SLC1A5: variants seen among roughly 807,000 people sequenced by gnomAD.
SLC1A5 encodes solute carrier family 1 member 5.
A neutral mutation model predicts 34.9 loss-of-function variants in SLC1A5; 25 were observed. That is an observed-to-expected ratio of 0.72 (90% CI 0.52 to 1.00). SLC1A5 has a LOEUF of 1.00. Ranked by LOEUF, SLC1A5 falls within the 50% of genes least tolerant of loss-of-function variation. The pLI is 0.00. For missense variants in SLC1A5, 637 were observed against 740.0 expected (o/e 0.86, Z 1.61); for synonymous variants, 351 against 341.2 (o/e 1.03, Z -0.32).
At chr19:46,783,398 G>A (rs570338881) in intron 3 of SLC1A5, among the ~76,000 whole-genome samples, 18 of 151,558 alleles carry the variant, frequency 1.2e-4, no homozygotes, top group African/African-American at 3.4e-4. Flanking sequence ...CCCGGGAGGC[G>A]GAGGTTGCAG....
At position 46,778,865 on chromosome 19, in the gene SLC1A5, C is replaced by T. The variant is rs1159357430; in HGVS notation, c.868G>A (p.Val290Met). ...AGTAAACCCACATCCTCCATCTCCA[C>T]GATCTTGCCAGCCACCAGGAACATG... ...GIMFLVAGKI[V>M]EMEDVGLLFA... The change falls in exon 5 of 8, where the codon GTG becomes ATG. Residue 290 changes from valine to methionine, a missense_variant. Coordinates refer to ENST00000542575, the MANE Select transcript of SLC1A5 (RefSeq NM_005628.3). 6 of 1,592,652 alleles carry T rather than the reference C, an allele frequency of 3.8e-6. No individual in the cohort carries two copies. Among genetic ancestry groups the T allele is most frequent in the East Asian group, 2.2e-5 (1 of 44,764 alleles).
At chr19:46,784,693 C>G in intron 1 of SLC1A5, 134 bp from the exon 2 acceptor site, 1 of 1,579,356 alleles carries the variant, frequency 6.3e-7, no homozygotes, top group Non-Finnish European at 8.6e-7. Context: ...ACAGCCCCTA[C>G]TCATGCCTCA....
chr19:46,782,346 A>ACCCCCCCCCCCCCCCGCCCCCCCCCC, intron 4 of SLC1A5, 37 bp downstream of exon 4: 1 of 567,986 alleles, frequency 1.8e-6, no homozygotes, highest in Admixed American at 2.7e-5. Context: ...CGACCCTCCA[A>ACCCCCCCCCCCCCCCGCCCCCCCCCC]CCCCACCCAC....
At chr19:46,782,018 C>T (rs754768669) in intron 4 of SLC1A5, among the ~76,000 whole-genome samples, 12 of 152,086 alleles carry the variant, frequency 7.9e-5, no homozygotes, top group African/African-American at 1.9e-4. Flanking sequence ...CTCAGGTTCC[C>T]GAGTAACTGG....
intron 3 of SLC1A5, among the ~76,000 whole-genome samples, chr19:46,783,247 T>G (rs1359845134): frequency 6.6e-6 from 1 of 151,936 alleles, no homozygotes; most frequent in Non-Finnish European, 1.5e-5. Context: ...GCAGATCACC[T>G]GAGGTGGGGA....
At chr19:46,785,432 G>A (rs995179460) in intron 1 of SLC1A5, among the ~76,000 whole-genome samples, 2 of 152,174 alleles carry the variant, frequency 1.3e-5, no homozygotes, top group Non-Finnish European at 2.9e-5. Context: ...TGGCAGGCAG[G>A]CATTTTGGCC....
intron 1 of SLC1A5, among the ~76,000 whole-genome samples, chr19:46,786,135 C>A (rs1407061664): frequency 6.6e-6 from 1 of 151,292 alleles, no homozygotes; most frequent in Non-Finnish European, 1.5e-5. Context: ...TGCTCTTGAG[C>A]CTGTGTTTAG....
chr19:46,777,891 C>A (rs937283872), intron 5 of SLC1A5, among the ~76,000 whole-genome samples: 1 of 151,614 alleles, frequency 6.6e-6, no homozygotes, highest in African/African-American at 2.4e-5. Context: ...GCAGGCAGCA[C>A]TAGGGAACTC....
At position 46,787,090 on chromosome 19, in the gene SLC1A5, C is replaced by T. The variant is rs1290441692; in HGVS notation, c.566+310G>A. ...GCAAAGATTCCCCCCGCAAAAGTTC[C>T]TCCTGGGGTCCCCTCCCCTCAGTGT... On this transcript the variant is annotated intron_variant, in intron 1 of 7. Transcript: ENST00000542575. The surrounding 1 kb of genome is among the most constrained non-coding windows in gnomAD (Gnocchi z 5.2). The T allele has an allele frequency of 2.0e-6, 1 of 511,852 alleles. No individual in the cohort carries two copies. The highest frequency in any genetic ancestry group is 2.9e-6 in the Non-Finnish European group (1 of 339,268). The allele number at this position is 511,852 out of a possible 1,614,324, so 31.7% of individuals were successfully genotyped here.
At position 46,782,545 on chromosome 19, in the gene SLC1A5, G is replaced by C. The variant is rs140908383; in HGVS notation, c.662C>G (p.Pro221Arg). Residue 221 changes from proline to arginine, a missense_variant, in exon 4 of 8, where the codon CCC becomes CGC. Pro to Arg is a moderately radical substitution (Grantham distance 103, BLOSUM62 -2). Transcript: ENST00000542575. ...RNITGTRVKV[P>R]VGQEVEGMNI... is the part of the protein sequence containing the mutation. ...CATCCCCTCCACCTCCTGCCCCACGGGCACCTGTGGGCAAGGAACAGATCG... is the reference window on the plus strand; with the variant it reads ...CATCCCCTCCACCTCCTGCCCCACGCGCACCTGTGGGCAAGGAACAGATCG... 4,241 of 1,613,944 alleles carry C rather than the reference G, an allele frequency of 2.6e-3. 13 individuals are homozygous for C. Among genetic ancestry groups the C allele is most frequent in the Non-Finnish European group, 3.1e-3 (3,708 of 1,180,000 alleles).
At chr19:46,782,730 T>G in intron 3 of SLC1A5, among the ~76,000 whole-genome samples, 181 bp from the exon 4 acceptor site, 1 of 150,150 alleles carries the variant, frequency 6.7e-6, no homozygotes, top group Non-Finnish European at 1.5e-5. Context: ...TGGCCCAGAG[T>G]AGGTGGGGCT....
intron 4 of SLC1A5, among the ~76,000 whole-genome samples, chr19:46,780,068 G>A (rs1200966531): frequency 6.6e-6 from 1 of 152,074 alleles, no homozygotes; most frequent in Non-Finnish European, 1.5e-5. Flanking sequence ...TAGCCAGGAT[G>A]GTCTCGATCT....
Position 46,775,658 on chromosome 19 carries a change from C to T in SLC1A5, c.1478G>A (p.Ser493Asn). The change falls in exon 8 of 8, where the codon AGC (serine) becomes AAC (asparagine). Residue 493 changes from serine (S) to asparagine (N), a missense_variant. By Grantham distance (46) the Ser-to-Asn change is conservative. Transcript: ENST00000542575. ...QNYVDRTESR[S>N]TEPELIQVKS... ...CACTTGTATCAACTCAGGCTCTGTG[C>T]TTCTCGACTCCGTACGGTCCACGTA... 1 of 1,614,140 alleles carries T rather than the reference C, an allele frequency of 6.2e-7. No homozygotes were observed. Among genetic ancestry groups the T allele is most frequent in the Non-Finnish European group, 8.5e-7 (1 of 1,180,036 alleles).
intron 1 of SLC1A5, among the ~76,000 whole-genome samples, chr19:46,786,538 C>A (rs569240059): frequency 1.5e-4 from 23 of 152,330 alleles, no homozygotes; most frequent in Admixed American, 3.9e-4. Context: ...TGCACTGACG[C>A]CCCAGAGGCT....
rs376590378 is a variant in SLC1A5, at chr19:46,775,710, C to T, written c.1426G>A (p.Ala476Thr). 4 of 1,613,960 alleles carry T rather than the reference C, an allele frequency of 2.5e-6. No homozygotes were observed. The highest frequency in any genetic ancestry group is 1.3e-5 in the African/African-American group (1 of 74,992). ...SCTVLNVEGD[A>T]LGAGLLQNYV... ...TTTTGGAGGAGTCCTGCCCCCAGAG[C>T]GTCACCTTCTACATTGAGGACGGTA... The change falls in exon 8 of 8, where the codon GCT becomes ACT. Residue 476 changes from alanine to threonine, a missense_variant. Physicochemically the swap from Ala to Thr is moderately conservative, Grantham distance 58. Transcript: ENST00000542575.
At chr19:46,783,184 C>G (rs767301498) in intron 3 of SLC1A5, among the ~76,000 whole-genome samples, 2 of 152,138 alleles carry the variant, frequency 1.3e-5, no homozygotes, top group Non-Finnish European at 2.9e-5. Flanking sequence ...GATCCTCGGG[C>G]GGAGCACGGT....
chr19:46,783,989 G>T, intron 3 of SLC1A5, 108 bp downstream of exon 3: 1 of 824,164 alleles, frequency 1.2e-6, no homozygotes. Flanking sequence ...GGGAAGGACT[G>T]CAGAGTGTCA....
chr19:46,784,476 C>G (rs1341312006), intron 2 of SLC1A5, 41 bp downstream of exon 2: 1 of 1,611,660 alleles, frequency 6.2e-7, no homozygotes, highest in Non-Finnish European at 8.5e-7. Context: ...GCATCCCTCC[C>G]TGTCCACCCC....
Position 46,788,097 on chromosome 19 carries a change from A to G in SLC1A5, c.-132T>C. 1.3e-6 allele frequency: 1 copy of G among 791,082 alleles called. No individual in the cohort carries two copies. Among genetic ancestry groups the G allele is most frequent in the Non-Finnish European group, 2.0e-6 (1 of 506,824 alleles). 49.0% of individuals were successfully genotyped at this position (791,082 alleles called of 1,614,324 possible). A position where few individuals can be genotyped will look rare whatever the true frequency, so the allele number is the denominator to read the frequency against. Reference sequence around the variant, plus strand: ...AGACTGGAACTTTGGAGGGCTCCTTAGAGTTGTGAGTTCACAGCACTGAAG... The same window carrying G: ...AGACTGGAACTTTGGAGGGCTCCTTGGAGTTGTGAGTTCACAGCACTGAAG... On this transcript the variant is annotated 5_prime_UTR_variant, in exon 1 of 8. Transcript: ENST00000542575.
Sources: gnomAD v4.1 joint callset for allele counts (sites outside exome capture counted in the v4.1 genomes callset) on GRCh38, gnomAD v4.1.1 for gene constraint, Gnocchi (gnomAD v3.1) non-coding constraint, MANE v1.5 for transcripts, NCBI Gene and HGNC (gene_info 2026-07-23, HGNC 2026-07-21) for gene names.